Variants in VRK1 observed in about 807,000 individuals in gnomAD.
VRK1 encodes VRK serine/threonine kinase 1, also known as serine/threonine-protein kinase VRK1.
VRK1 carries 33 observed loss-of-function variants against 57.1 expected under a neutral mutation model. That is an observed-to-expected ratio of 0.58 (90% confidence interval 0.44 to 0.77). The LOEUF (loss-of-function observed/expected upper bound fraction) is 0.77. VRK1 is among the 30% of genes least tolerant of loss of function. The pLI is 0.00. For missense variants in VRK1, 413 were observed against 477.3 expected (o/e 0.87, Z 1.25); for synonymous variants, 137 against 147.8 (o/e 0.93, Z 0.53).
chr14:96,809,174 G>A (rs1886054389), intron 1 of VRK1, among the ~76,000 whole-genome samples: 1 of 152,184 alleles, frequency 6.6e-6, no homozygotes, highest in African/African-American at 2.4e-5. Flanking sequence ...TGTTGGCTGA[G>A]TGTCCAGAGG....
intron 3 of VRK1, among the ~76,000 whole-genome samples, chr14:96,845,224 C>T (rs1887633887): frequency 6.6e-6 from 1 of 151,100 alleles, no homozygotes; most frequent in African/African-American, 2.4e-5. Flanking sequence ...TTTTTAATTC[C>T]CAATAAATAA....
At chr14:96,847,231 TCA>T in intron 4 of VRK1, 24 bp from the exon 5 acceptor site, 2 of 1,590,688 alleles carry the variant, frequency 1.3e-6, no homozygotes, top group Non-Finnish European at 1.7e-6. Flanking sequence ...ACAATTGAAA[TCA>T]CAAAGATCTG....
At chr14:96,879,716 G>A (rs1889176883) in intron 12 of VRK1, among the ~76,000 whole-genome samples, 1 of 151,900 alleles carries the variant, frequency 6.6e-6, no homozygotes, top group Admixed American at 6.6e-5. Context: ...ATCATTTGAG[G>A]TCAGGAGTTC....
At chr14:96,849,574 G>A (rs1887867139) in intron 5 of VRK1, among the ~76,000 whole-genome samples, 1 of 152,062 alleles carries the variant, frequency 6.6e-6, no homozygotes, top group South Asian at 2.1e-4. Flanking sequence ...TGTCTCTCTT[G>A]TTTCCCTATG....
intron 2 of VRK1, among the ~76,000 whole-genome samples, 189 bp from the exon 3 acceptor site, chr14:96,837,573 C>G (rs1887269486): frequency 6.6e-6 from 1 of 152,102 alleles, no homozygotes; most frequent in African/African-American, 2.4e-5. Context: ...AAGATGCATT[C>G]TCAATTCAGA....
rs1726586589 is a variant in VRK1, at chr14:96,876,042, G to C, written c.1081G>C (p.Glu361Gln). Residue 361 changes from glutamate to glutamine, a missense_variant, in exon 12 of 13, where the codon GAA becomes CAA. This residue lies in a region of VRK1 where 146 missense variants were observed against 138.2 expected (regional missense o/e 1.06). Transcript: ENST00000216639. ...AKTITKKRKKEIEESKEPGVE... is the reference protein window; with the variant it reads ...AKTITKKRKKQIEESKEPGVE... ...TTTTATATGTAAGAAGCGAAAGAAAGAAATTGAAGAAAGCAAGGAACCTGG... is the reference window on the plus strand; with the variant it reads ...TTTTATATGTAAGAAGCGAAAGAAACAAATTGAAGAAAGCAAGGAACCTGG... The C allele has an allele frequency of 6.2e-7, 1 of 1,613,156 alleles. No homozygotes were observed. The highest frequency in any genetic ancestry group is 1.3e-5 in the African/African-American group (1 of 74,884).
intron 10 of VRK1, among the ~76,000 whole-genome samples, chr14:96,856,818 A>G (rs913417924): frequency 2.0e-5 from 3 of 152,232 alleles, no homozygotes; most frequent in East Asian, 3.9e-4. Flanking sequence ...AGTACAAAAA[A>G]TTAGCCAGGC....
At chr14:96,820,459 T>G (rs1042389468) in intron 1 of VRK1, among the ~76,000 whole-genome samples, 2 of 152,168 alleles carry the variant, frequency 1.3e-5, no homozygotes, top group Non-Finnish European at 2.9e-5. Context: ...TCATTTCCTT[T>G]GAAAAACTTC....
chr14:96,849,177 GA>G (rs1390843726), intron 5 of VRK1, among the ~76,000 whole-genome samples: 1 of 152,192 alleles, frequency 6.6e-6, no homozygotes, highest in Non-Finnish European at 1.5e-5. Flanking sequence ...ACATGGTGGT[GA>G]AAGTGGCATT....
chr14:96,876,200 A>G (rs1889026191), intron 12 of VRK1, 80 bp downstream of exon 12: 2 of 1,322,842 alleles, frequency 1.5e-6, no homozygotes, highest in African/African-American at 1.5e-5. Flanking sequence ...GGGGTCAACT[A>G]TTTGGGTCAT....
chr14:96,852,760 G>T, intron 5 of VRK1, 71 bp from the exon 6 acceptor site: 1 of 1,071,216 alleles, frequency 9.3e-7, no homozygotes, highest in Non-Finnish European at 1.4e-6. Context: ...AAATTACTTT[G>T]AGAGTACTCA....
intron 1 of VRK1, among the ~76,000 whole-genome samples, chr14:96,824,725 C>T (rs28582851): frequency 0.048 from 7,168 of 150,064 alleles, 191 homozygotes; most frequent in Non-Finnish European, 0.063. Flanking sequence ...GCCGTCTCGG[C>T]TCACTGCAAG....
chr14:96,837,798 C>T lies in VRK1; in HGVS notation c.197C>T (p.Ala66Val), dbSNP rs1887280587. 1 of 1,558,744 alleles carries T rather than the reference C, an allele frequency of 6.4e-7. No individual in the cohort carries two copies. The highest frequency in any genetic ancestry group is 8.7e-7 in the Non-Finnish European group (1 of 1,151,648). ...TCTTCAGAGTCAGTTGGCAGTGATG[C>T]ACCTTGTGTTGTAAAAGTGGTAAGA... is the stretch of plus-strand genomic sequence containing the variant. ...MNSSESVGSDAPCVVKVEPSD... is the reference protein window; with the variant it reads ...MNSSESVGSDVPCVVKVEPSD... The change falls in exon 3 of 13, where the codon GCA (alanine) becomes GTA (valine). Residue 66 changes from alanine to valine, a missense_variant. Physicochemically the swap from Ala to Val is moderately conservative, Grantham distance 64. Transcript: ENST00000216639.
At chr14:96,837,892 T>G in intron 3 of VRK1, 75 bp downstream of exon 3, 2 of 991,448 alleles carry the variant, frequency 2.0e-6, no homozygotes, top group Non-Finnish European at 2.9e-6. Context: ...CTTTTTTGAT[T>G]AACTAGAATT....
chr14:96,877,541 C>T (rs1485938098), intron 12 of VRK1: 4 of 1,289,364 alleles, frequency 3.1e-6, no homozygotes, highest in South Asian at 1.2e-5. Flanking sequence ...CGAAGCATGT[C>T]TCAGCCAGAG....
At chr14:96,852,301 C>T (rs1049209666) in intron 5 of VRK1, among the ~76,000 whole-genome samples, 3 of 152,080 alleles carry the variant, frequency 2.0e-5, no homozygotes, top group Non-Finnish European at 2.9e-5. Flanking sequence ...CAAATCTTGG[C>T]CATTGAGTGT....
In VRK1 at chr14:96,860,568, A is replaced by G. The variant is rs149661915; in HGVS notation, c.901A>G (p.Lys301Glu). 3.0e-4 allele frequency: 490 copies of G among 1,612,586 alleles called. 2 individuals carry two copies. Among genetic ancestry groups the G allele is most frequent in the Admixed American group, 6.0e-4 (36 of 59,926 alleles). The change falls in exon 11 of 13, where the codon AAA becomes GAA. Residue 301 changes from lysine (K) to glutamate (E), a missense_variant. Transcript: ENST00000216639. ...TGTTATTCTTTTAGGTGAAATTGCC[A>G]AATACATGGAAACAGTGAAATTACT... Reference protein sequence around the residue: ...PEKNKPGEIAKYMETVKLLDY... With the variant: ...PEKNKPGEIAEYMETVKLLDY...
chr14:96,832,132 C>CAATTTAAA (rs1887031078), intron 1 of VRK1, among the ~76,000 whole-genome samples: 13 of 151,808 alleles, frequency 8.6e-5, no homozygotes, highest in South Asian at 4.2e-4. Flanking sequence ...AAAAAGTCCC[C>CAATTTAAA]AGTAAATTAA....
At chr14:96,878,063 C>T (rs1889112593) in intron 12 of VRK1, among the ~76,000 whole-genome samples, 1 of 152,082 alleles carries the variant, frequency 6.6e-6, no homozygotes. Context: ...CATATAAACT[C>T]AAAATTGCCG....
Sources: allele counts gnomAD v4.1 joint callset (sites outside exome capture counted in the v4.1 genomes callset), GRCh38; gene constraint gnomAD v4.1.1; regional missense constraint gnomAD v4.1.1; transcripts MANE v1.5; gene names NCBI Gene and HGNC (gene_info 2026-07-23, HGNC 2026-07-21).